USH2A: variants seen among roughly 807,000 people sequenced by gnomAD.
USH2A encodes the protein usherin.
In USH2A, 443 loss-of-function variants were observed where a neutral mutation model predicts 538.9. That is an observed-to-expected ratio of 0.82 (90% CI 0.76 to 0.89). The LOEUF is 0.89. USH2A is among the 40% of genes least tolerant of loss of function. The pLI, the probability that USH2A is intolerant of heterozygous loss-of-function variation, is 0.00. For synonymous variants in USH2A, 2,413 were observed against 2,273.5 expected (o/e 1.06, Z -1.75); for missense variants, 6,633 against 6,324.8 (o/e 1.05, Z -1.65).
At chr1:216,381,310 G>T (rs1331696663) in intron 3 of USH2A, among the ~76,000 whole-genome samples, 1 of 152,100 alleles carries the variant, frequency 6.6e-6, no homozygotes, top group African/African-American at 2.4e-5. Flanking sequence ...TACATAGAAG[G>T]ACAATGAAGC....
At chr1:215,816,681 A>G (rs949847116) in intron 48 of USH2A, among the ~76,000 whole-genome samples, 3 of 152,096 alleles carry the variant, frequency 2.0e-5, no homozygotes, top group Non-Finnish European at 4.4e-5. Flanking sequence ...CATCAGTGCC[A>G]TATAAACAAA....
At chr1:215,887,513 C>T (rs1008483945) in intron 41 of USH2A, among the ~76,000 whole-genome samples, 6 of 152,174 alleles carry the variant, frequency 3.9e-5, no homozygotes, top group African/African-American at 1.4e-4. Flanking sequence ...GAATGGAATT[C>T]TATACACATA....
chr1:216,154,256 C>T (rs975027694), intron 21 of USH2A, among the ~76,000 whole-genome samples: 17 of 152,186 alleles, frequency 1.1e-4, no homozygotes, highest in Middle Eastern at 3.4e-3. Context: ...GTACAAGATT[C>T]TCATTGTCAG....
intron 25 of USH2A, 38 bp from the exon 26 acceptor site, chr1:216,083,624 A>G (rs760910406): frequency 6.2e-7 from 1 of 1,604,060 alleles, no homozygotes; most frequent in Non-Finnish European, 8.5e-7. Flanking sequence ...AGCATGTGTA[A>G]CACAATATTG....
chr1:216,393,530 G>T (rs557386348), intron 3 of USH2A, among the ~76,000 whole-genome samples: 1 of 151,900 alleles, frequency 6.6e-6, no homozygotes, highest in Non-Finnish European at 1.5e-5. Flanking sequence ...TATTATTTAT[G>T]AACTTAAACT....
chr1:216,160,382 A>C (rs962286198), intron 21 of USH2A, among the ~76,000 whole-genome samples: 14 of 152,054 alleles, frequency 9.2e-5, no homozygotes, highest in African/African-American at 3.4e-4. Context: ...TAATTTCCAT[A>C]ATTTCTTTTT....
At chr1:216,090,431 T>TAA (rs748252419) in intron 22 of USH2A, among the ~76,000 whole-genome samples, 14 of 94,498 alleles carry the variant, frequency 1.5e-4, no homozygotes, top group Non-Finnish European at 1.7e-4. Flanking sequence ...GTTACCAAAG[T>TAA]AAAAAAAAAA....
chr1:216,370,349 A>G (rs1439241589), intron 3 of USH2A, among the ~76,000 whole-genome samples: 3 of 151,716 alleles, frequency 2.0e-5, no homozygotes, highest in African/African-American at 7.3e-5. Flanking sequence ...CGACAGAGTG[A>G]GACTCTATCC....
At chr1:216,178,317 T>C (rs2034431387) in intron 20 of USH2A, among the ~76,000 whole-genome samples, 2 of 152,224 alleles carry the variant, frequency 1.3e-5, no homozygotes, top group Admixed American at 1.3e-4. Context: ...AGCATTTTTT[T>C]CTGCTAAAAA....
chr1:216,195,491 G>A (rs1013707428), intron 19 of USH2A, among the ~76,000 whole-genome samples: 1 of 152,132 alleles, frequency 6.6e-6, no homozygotes, highest in African/African-American at 2.4e-5. Flanking sequence ...TGAAACAGCA[G>A]AGCGAAGAAA....
rs972187229 is a variant in USH2A, at chr1:215,801,270, T to C, written c.9740-2145A>G. On this transcript the variant is annotated intron_variant, in intron 49 of 71. Coordinates refer to ENST00000307340, the MANE Select transcript of USH2A (RefSeq NM_206933.4). ...TTTGCCACTTGTATTCTACATAATA[T>C]TGGATATTATGGCTAGAGCAATAGG... Among the ~76,000 whole-genome samples the C allele has an allele frequency of 2.0e-5, 3 of 151,714 alleles. No individual in the cohort carries two copies. In the South Asian group the frequency reaches 6.2e-4, roughly 32 times the overall value.
In USH2A at chr1:215,780,042, C is replaced by A. The variant is rs1064795279; in HGVS notation, c.10741-1G>T. 6.2e-7 allele frequency: 1 copy of A among 1,614,096 alleles called. No homozygotes were observed. The highest frequency in any genetic ancestry group is 8.5e-7 in the Non-Finnish European group (1 of 1,180,022). ...CTCCTTGGGTAGTAGCTGCAACTACCTGAAGACGTAGGAATTAAGCAGCAA... is the reference window on the plus strand; with the variant it reads ...CTCCTTGGGTAGTAGCTGCAACTACATGAAGACGTAGGAATTAAGCAGCAA... On this transcript the variant is annotated splice_acceptor_variant, in intron 54 of 71. Transcript: ENST00000307340. LOFTEE classifies it high-confidence loss of function.
At chr1:216,106,718 C>CT (rs979129172) in intron 21 of USH2A, among the ~76,000 whole-genome samples, 1 of 151,332 alleles carries the variant, frequency 6.6e-6, no homozygotes, top group Non-Finnish European at 1.5e-5. Flanking sequence ...TTAATTTGTT[C>CT]TTTTTTGCCT....
At chr1:215,951,957 C>T (rs1217489045) in intron 37 of USH2A, among the ~76,000 whole-genome samples, 31 of 151,616 alleles carry the variant, frequency 2.0e-4, no homozygotes, top group African/African-American at 6.8e-4. Flanking sequence ...CTCCGCTTCC[C>T]GGGTTCACGC....
chr1:215,626,085 A>G (rs1656013964), intron 71 of USH2A, among the ~76,000 whole-genome samples: 1 of 151,854 alleles, frequency 6.6e-6, no homozygotes, highest in Non-Finnish European at 1.5e-5. Flanking sequence ...CTAATTCAAA[A>G]TGTATATGTG....
intron 61 of USH2A, among the ~76,000 whole-genome samples, chr1:215,711,772 A>T (rs895294010): frequency 1.2e-4 from 19 of 152,308 alleles, no homozygotes; most frequent in African/African-American, 4.3e-4. Flanking sequence ...ATGTCTGCAC[A>T]CTGTAATGTG....
intron 21 of USH2A, among the ~76,000 whole-genome samples, chr1:216,125,730 A>C (rs1047741134): frequency 6.6e-6 from 1 of 152,178 alleles, no homozygotes; most frequent in African/African-American, 2.4e-5. Flanking sequence ...GGGGTGGAAA[A>C]AATAACTAGG....
At chr1:216,307,195 G>A (rs767673130) in intron 9 of USH2A, among the ~76,000 whole-genome samples, 1 of 152,050 alleles carries the variant, frequency 6.6e-6, no homozygotes, top group Admixed American at 6.6e-5. Context: ...GTAGGGTCAG[G>A]GTTAGGTGTG....
intron 11 of USH2A, among the ~76,000 whole-genome samples, chr1:216,286,536 A>T (rs927540286): frequency 3.3e-5 from 5 of 152,012 alleles, no homozygotes; most frequent in African/African-American, 1.2e-4. Context: ...AACATGGTGA[A>T]ACTCTGTCTC....
Sources: gnomAD v4.1 joint callset for allele counts (sites outside exome capture counted in the v4.1 genomes callset) on GRCh38, gnomAD v4.1.1 for gene constraint, MANE v1.5 for transcripts, NCBI Gene and HGNC (gene_info 2026-07-23, HGNC 2026-07-21) for gene names.